ADH1B: variants seen among roughly 807,000 people sequenced by gnomAD.
ADH1B encodes alcohol dehydrogenase 1B (class I), beta polypeptide, also known as all-trans-retinol dehydrogenase [NAD(+)] ADH1B.
In ADH1B, 29 loss-of-function variants were observed where a neutral mutation model predicts 34.6. The observed-to-expected ratio is 0.84, with a 90% CI of 0.62 to 1.14. The LOEUF (loss-of-function observed/expected upper bound fraction) is 1.14, where lower values mean the gene tolerates loss of function less well. Among genes scored for constraint, ADH1B ranks in the 50% most tolerant of loss-of-function variants. The pLI, the probability that ADH1B is intolerant of heterozygous loss-of-function variation, is 0.00. For missense variants in ADH1B, 424 were observed against 468.4 expected (o/e 0.91, Z 0.87); for synonymous variants, 170 against 175.5 (o/e 0.97, Z 0.25).
chr4:99,316,097 G>T lies in ADH1B; in HGVS notation c.368C>A (p.Thr123Asn). ...LKNDLGNPRG[T>N]LQDGTRRFTC... ...GAACCTCCTGGTGCCATCCTGCAGG[G>T]TCCCCCGAGGATTGCCTAGACTGGG... The change falls in exon 5 of 9, where the codon ACC becomes AAC. Residue 123 changes from threonine (T) to asparagine (N), a missense_variant. Thr to Asn is a moderately conservative substitution (Grantham distance 65). Around this residue, in one of 3 missense-constraint regions of ADH1B, gnomAD observed 291 missense variants for 300.4 expected, o/e 0.97. Transcript: ENST00000305046. 1.2e-6 allele frequency: 2 copies of T among 1,613,996 alleles called. No homozygotes were observed. The highest frequency in any genetic ancestry group is 1.7e-6 in the Non-Finnish European group (2 of 1,179,876).
At chr4:99,320,763 C>T in intron 1 of ADH1B, 1 of 1,096,822 alleles carries the variant, frequency 9.1e-7, no homozygotes, top group Non-Finnish European at 1.1e-6. Context: ...CCCTTTTAAT[C>T]AGAATTTGCA....
chr4:99,318,350 A>C, intron 2 of ADH1B, 166 bp from the exon 3 acceptor site: 1 of 853,836 alleles, frequency 1.2e-6, no homozygotes, highest in Non-Finnish European at 1.8e-6. Flanking sequence ...AAGGTTATTC[A>C]GTCTAAAGCC....
intron 1 of ADH1B, 49 bp from the exon 2 acceptor site, chr4:99,318,935 G>A: frequency 6.4e-7 from 1 of 1,570,598 alleles, no homozygotes; most frequent in Non-Finnish European, 8.8e-7. Context: ...CACTCTTGAA[G>A]TCATAAGTTG....
chr4:99,308,096 C>T (rs190448274), intron 8 of ADH1B, among the ~76,000 whole-genome samples: 8 of 152,124 alleles, frequency 5.3e-5, no homozygotes, highest in Admixed American at 5.2e-4. Flanking sequence ...CTGAGTATGC[C>T]TGTCATTTCA....
chr4:99,312,336 A>C, intron 6 of ADH1B, among the ~76,000 whole-genome samples: 1 of 152,208 alleles, frequency 6.6e-6, no homozygotes, highest in East Asian at 1.9e-4. Context: ...AAAATGGATG[A>C]AAATATAGAA....
At chr4:99,308,605 C>T (rs1215298410) in intron 8 of ADH1B, among the ~76,000 whole-genome samples, 2 of 151,786 alleles carry the variant, frequency 1.3e-5, no homozygotes, top group Admixed American at 1.3e-4. Context: ...AACTAATGCC[C>T]TTTCTATAAA....
intron 5 of ADH1B, 35 bp downstream of exon 5, chr4:99,315,863 A>G (rs1579512881): frequency 6.2e-7 from 1 of 1,612,948 alleles, no homozygotes; most frequent in East Asian, 2.2e-5. Context: ...GACAGTCTGC[A>G]TGTAAGCAGT....
At chr4:99,314,211 C>A (rs1733824506) in intron 5 of ADH1B, 130 bp from the exon 6 acceptor site, 4 of 1,434,496 alleles carry the variant, frequency 2.8e-6, no homozygotes, top group Non-Finnish European at 1.9e-6. Context: ...TTTATCAAAA[C>A]CTCTTTTGGC....
At position 99,320,965 on chromosome 4, in the gene ADH1B, TTTC is replaced by T; in HGVS notation, c.18+346_18+348del. ...AAATAATAACACATTTGAATTATGG[TTTC>T]TTATTATAAAGATAACTTGCCATTA... On this transcript the variant is annotated intron_variant, in intron 1 of 8. Coordinates refer to ENST00000305046, the MANE Select transcript of ADH1B (RefSeq NM_000668.6). The T allele has an allele frequency of 1.7e-6, 2 of 1,177,806 alleles. 1 individual carries two copies. The highest frequency in any genetic ancestry group is 2.9e-5 in the South Asian group (2 of 69,960). The allele number at this position is 1,177,806 out of a possible 1,614,324, so 73.0% of individuals were successfully genotyped here.
chr4:99,313,680 C>T (rs201212428), intron 6 of ADH1B, 141 bp downstream of exon 6: 3 of 1,472,842 alleles, frequency 2.0e-6, no homozygotes, highest in Non-Finnish European at 2.8e-6. Flanking sequence ...AAAAATTAAA[C>T]AAGCCACATA....
Position 99,305,579 on chromosome 4 carries a change from A to ATGTG in ADH1B, c.*2260_*2261insCACA, listed in dbSNP as rs1733591599. 1 of 89,274 alleles carries ATGTG rather than the reference A, an allele frequency of 1.1e-5. No homozygotes were observed. The highest frequency in any genetic ancestry group is 4.0e-5 in the African/African-American group (1 of 24,896). The allele number at this position is 89,274 out of a possible 1,614,324, so 5.5% of individuals were successfully genotyped here. A position where few individuals can be genotyped will look rare whatever the true frequency, so the allele number is the denominator to read the frequency against. On this transcript the variant is annotated 3_prime_UTR_variant, in exon 9 of 9. Coordinates refer to ENST00000305046, the MANE Select transcript of ADH1B (RefSeq NM_000668.6). ...CCATAGTGTATATATATATATATAT[A>ATGTG]TATATATATATATATATATATATAT...
Position 99,305,518 on chromosome 4 carries a change from A to ATG in ADH1B, c.*2321_*2322insCA, listed in dbSNP as rs1733584632. On this transcript the variant is annotated 3_prime_UTR_variant, in exon 9 of 9. Transcript: ENST00000305046. ...CTGGAATACATATATATATATATAT[A>ATG]TATATACAATCACTTAACTATATGA... 1 of 125,214 alleles carries ATG rather than the reference A, an allele frequency of 8.0e-6. No individual in the cohort carries two copies. Among genetic ancestry groups the ATG allele is most frequent in the South Asian group, 2.4e-4 (1 of 4,122 alleles). The allele number at this position is 125,214 out of a possible 1,614,324, so 7.8% of individuals were successfully genotyped here.
rs1214443818 is a variant in ADH1B at position 99,305,899 on chromosome 4, C to T, written c.*1941G>A. On this transcript the variant is annotated 3_prime_UTR_variant, in exon 9 of 9. Coordinates refer to ENST00000305046, the MANE Select transcript of ADH1B (RefSeq NM_000668.6). ...CTTTTTCTGGATCTCACACAATCAG[C>T]ATCAGTGTAAAAGCCGCAGAGCACC... The T allele has an allele frequency of 6.6e-6, 1 of 152,164 alleles. No homozygotes were observed. Among genetic ancestry groups the T allele is most frequent in the Non-Finnish European group, 1.5e-5 (1 of 68,058 alleles). 9.4% of individuals were successfully genotyped at this position (152,164 alleles called of 1,614,324 possible). A position where few individuals can be genotyped will look rare whatever the true frequency, so the allele number is the denominator to read the frequency against.
At chr4:99,317,899 A>G in intron 3 of ADH1B, 147 bp downstream of exon 3, 2 of 1,353,394 alleles carry the variant, frequency 1.5e-6, no homozygotes, top group Non-Finnish European at 2.0e-6. Context: ...TCAGGCAGGC[A>G]GAGAGGGAAA....
Position 99,305,013 on chromosome 4 carries a change from G to A in ADH1B, c.*2827C>T, listed in dbSNP as rs1733564785. 6.6e-6 allele frequency: 1 copy of A among 151,418 alleles called. No homozygotes were observed. Among genetic ancestry groups the A allele is most frequent in the Admixed American group, 6.6e-5 (1 of 15,226 alleles). The allele number at this position is 151,418 out of a possible 1,614,324, so 9.4% of individuals were successfully genotyped here. A position where few individuals can be genotyped will look rare whatever the true frequency, so the allele number is the denominator to read the frequency against. ...TTATTTTTTTTTTTGATCACACCAA[G>A]GCTCAGTGCCATTTAATATGCTATT... On this transcript the variant is annotated 3_prime_UTR_variant, in exon 9 of 9. Transcript: ENST00000305046.
At position 99,313,705 on chromosome 4, in the gene ADH1B, G is replaced by A. The variant is rs561969097; in HGVS notation, c.828+116C>T. 3.9e-6 allele frequency: 6 copies of A among 1,554,232 alleles called. No individual in the cohort carries two copies. The Admixed American group carries it at 5.6e-5, about 15-fold the overall frequency. On this transcript the variant is annotated intron_variant, in intron 6 of 8. Coordinates refer to ENST00000305046, the MANE Select transcript of ADH1B (RefSeq NM_000668.6). Reference sequence around the variant, plus strand: ...CAAGCCACATAACAAACAGATGATGGGAAATTTCCATTCATCATTAAAAAT... The same window carrying A: ...CAAGCCACATAACAAACAGATGATGAGAAATTTCCATTCATCATTAAAAAT...
At chr4:99,310,311 C>G (rs1224260269) in intron 8 of ADH1B, 1 of 435,372 alleles carries the variant, frequency 2.3e-6, no homozygotes, top group Non-Finnish European at 4.5e-6. Flanking sequence ...AAAACAATCC[C>G]AATGTAGTTC....
intron 5 of ADH1B, 164 bp downstream of exon 5, chr4:99,315,734 G>A: frequency 1.3e-6 from 1 of 796,596 alleles, no homozygotes; most frequent in Non-Finnish European, 2.0e-6. Flanking sequence ...ATAAATTGGT[G>A]AAATTTCTAG....
chr4:99,315,532 C>A, intron 5 of ADH1B: 1 of 324,286 alleles, frequency 3.1e-6, no homozygotes, highest in South Asian at 2.9e-5. Flanking sequence ...GCAAACGCTT[C>A]ATTTCATTTA....
Sources: gnomAD v4.1 joint callset for allele counts (sites outside exome capture counted in the v4.1 genomes callset) on GRCh38, gnomAD v4.1.1 for gene constraint, gnomAD v4.1.1 regional missense constraint, MANE v1.5 for transcripts, NCBI Gene and HGNC (gene_info 2026-07-23, HGNC 2026-07-21) for gene names.